RARB: variants seen among roughly 807,000 people sequenced by gnomAD.
The protein encoded by RARB is HBV-activated protein.
In RARB, 17 loss-of-function variants were observed where a neutral mutation model predicts 51.9. The ratio of observed to expected loss-of-function variants is 0.33; its 90% CI spans 0.22 to 0.49. The LOEUF is 0.49. Among genes scored for constraint, RARB ranks in the 20% least tolerant of loss-of-function variants. The pLI, the probability that RARB is intolerant of heterozygous loss-of-function variation, is 0.99. For missense variants in RARB, 369 were observed against 550.8 expected (o/e 0.67, Z 3.30); for synonymous variants, 215 against 195.4 (o/e 1.10, Z -0.84).
intron 1 of RARB, among the ~76,000 whole-genome samples, chr3:24,858,282 T>A (rs1031376432): frequency 6.6e-6 from 1 of 152,188 alleles, no homozygotes; most frequent in African/African-American, 2.4e-5. Flanking sequence ...AGAACTTTTA[T>A]CCAATCTACT....
At chr3:25,217,334 G>T (rs1701856560) in intron 5 of RARB, among the ~76,000 whole-genome samples, 2 of 151,922 alleles carry the variant, frequency 1.3e-5, no homozygotes, top group South Asian at 4.2e-4. Context: ...TAGGAGCTTG[G>T]GATTATAAGC....
chr3:25,229,656 C>G (rs969974670), intron 5 of RARB, among the ~76,000 whole-genome samples: 4 of 148,926 alleles, frequency 2.7e-5, no homozygotes, highest in African/African-American at 9.8e-5. Context: ...AATGGGCACC[C>G]TTTTTTTTTT....
intron 3 of RARB, among the ~76,000 whole-genome samples, chr3:25,507,606 C>T: frequency 6.6e-6 from 1 of 152,178 alleles, no homozygotes; most frequent in East Asian, 1.9e-4. Context: ...CTGAGCTGAG[C>T]AGGTGTCTTG....
intron 2 of RARB, among the ~76,000 whole-genome samples, chr3:24,879,991 C>A (rs1703126967): frequency 1.1e-5 from 1 of 92,432 alleles, no homozygotes; most frequent in Admixed American, 1.2e-4. Flanking sequence ...AACTGAAGCT[C>A]CAGAGCCCCT....
intron 5 of RARB, among the ~76,000 whole-genome samples, chr3:25,263,823 C>T (rs765353537): frequency 8.5e-5 from 13 of 152,150 alleles, no homozygotes; most frequent in Admixed American, 8.5e-4. Context: ...GCCTTTGATG[C>T]TGTCTCTGGG....
intron 2 of RARB, among the ~76,000 whole-genome samples, chr3:25,037,237 C>T (rs1005389505): frequency 2.7e-5 from 4 of 149,906 alleles, no homozygotes; most frequent in South Asian, 2.1e-4. Flanking sequence ...GATTAAAGCA[C>T]GTTTTAAAGG....
Position 25,204,920 on chromosome 3 carries a change from C to T in RARB, c.178+30345C>T, listed in dbSNP as rs191606197. ...CTGTTCATTCTCAGATCTCAAGCTG[C>T]GTGCTGGGAGAACCACTACTCTCTT... On this transcript the variant is annotated intron_variant, in intron 5 of 11. Transcript: ENST00000383772. 9.5e-3 allele frequency among the ~76,000 whole-genome samples: 1,450 copies of T among 152,284 alleles called. 11 individuals carry two copies. The highest frequency in any genetic ancestry group is 0.015 in the Non-Finnish European group (1,034 of 68,022).
rs990650170 is a variant in RARB at position 25,111,609 on chromosome 3, G to A, written c.-327-20552G>A. Among the ~76,000 whole-genome samples, 4 of 136,266 alleles carry A rather than the reference G, an allele frequency of 2.9e-5. No homozygotes were observed. The Admixed American group carries it at 3.0e-4, about 10-fold the overall frequency. The allele number at this position is 136,266 out of a possible 152,430, so 89.4% of individuals were successfully genotyped here. On this transcript the variant is annotated intron_variant, in intron 3 of 11. Coordinates refer to the RARB transcript ENST00000383772. ...TTTTTTTTTTTTTTTTTTTGAGACG[G>A]AGTCTGTCACCCAGGCTAGAATGCA...
At chr3:25,118,961 A>G (rs1255138556) in intron 3 of RARB, among the ~76,000 whole-genome samples, 1 of 152,218 alleles carries the variant, frequency 6.6e-6, no homozygotes, top group Non-Finnish European at 1.5e-5. Flanking sequence ...TAGAGTATCC[A>G]GAGAATATAC....
At chr3:25,479,395 G>A (rs1696119794) in intron 2 of RARB, among the ~76,000 whole-genome samples, 1 of 152,122 alleles carries the variant, frequency 6.6e-6, no homozygotes, top group Admixed American at 6.5e-5. Context: ...TGCAGTCCAT[G>A]CCTGTCTCTG....
At chr3:25,490,683 G>A (rs1696688551) in intron 2 of RARB, among the ~76,000 whole-genome samples, 1 of 151,916 alleles carries the variant, frequency 6.6e-6, no homozygotes, top group Admixed American at 6.6e-5. Flanking sequence ...CTGTAGCTGA[G>A]CAGCTATTTT....
intron 5 of RARB, among the ~76,000 whole-genome samples, chr3:25,323,937 A>G (rs1704640057): frequency 6.6e-6 from 1 of 152,208 alleles, no homozygotes; most frequent in Non-Finnish European, 1.5e-5. Flanking sequence ...TAGGCAATCA[A>G]GGATCACCAA....
At chr3:24,895,555 C>A (rs1031497225) in intron 2 of RARB, among the ~76,000 whole-genome samples, 1 of 148,058 alleles carries the variant, frequency 6.8e-6, no homozygotes, top group African/African-American at 2.6e-5. Flanking sequence ...GCAAAATTTA[C>A]GCTTTTTTTT....
At chr3:25,132,376 A>G (rs1699967639) in intron 4 of RARB, among the ~76,000 whole-genome samples, 1 of 151,956 alleles carries the variant, frequency 6.6e-6, no homozygotes, top group East Asian at 1.9e-4. Context: ...AACCTTAGGA[A>G]ACCCAGCAGG....
At chr3:25,339,009 C>G (rs756553433) in intron 5 of RARB, among the ~76,000 whole-genome samples, 7 of 152,164 alleles carry the variant, frequency 4.6e-5, no homozygotes, top group Admixed American at 2.6e-4. Flanking sequence ...TATCACCTCA[C>G]CTGAGACTGT....
chr3:24,877,345 A>ATTTTTTTTTTTTTTTTTTTT (rs1559379782), intron 2 of RARB, among the ~76,000 whole-genome samples: 4 of 17,746 alleles, frequency 2.3e-4, no homozygotes, highest in Admixed American at 6.3e-4. Context: ...AAGCAATCTT[A>ATTTTTTTTTTTTTTTTTTTT]CTTTTTTTTT....
At chr3:25,374,137 G>GT (rs1243401046) in intron 5 of RARB, among the ~76,000 whole-genome samples, 2 of 152,182 alleles carry the variant, frequency 1.3e-5, no homozygotes, top group African/African-American at 4.8e-5. Context: ...GGAGGGCTGA[G>GT]TGGACGTAGC....
chr3:24,984,958 C>T (rs1696755678), intron 2 of RARB, among the ~76,000 whole-genome samples: 1 of 152,194 alleles, frequency 6.6e-6, no homozygotes, highest in African/African-American at 2.4e-5. Flanking sequence ...TCACTTCTCC[C>T]TCCTGAAGCT....
chr3:25,484,204 T>C (rs1271872099), intron 2 of RARB, among the ~76,000 whole-genome samples: 1 of 152,218 alleles, frequency 6.6e-6, no homozygotes, highest in African/African-American at 2.4e-5. Flanking sequence ...AGAGTGGGAA[T>C]TTTCTTTATG....
Sources: gnomAD v4.1 joint callset for allele counts (sites outside exome capture counted in the v4.1 genomes callset) on GRCh38, gnomAD v4.1.1 for gene constraint, MANE v1.5 for transcripts, NCBI Gene and HGNC (gene_info 2026-07-23, HGNC 2026-07-21) for gene names.